BCL2: variants seen among roughly 807,000 people sequenced by gnomAD.
BCL2 encodes the protein apoptosis regulator Bcl-2.
BCL2 carries 1 observed loss-of-function variant against 14.2 expected under a neutral mutation model. The observed-to-expected ratio is 0.07, with a 90% CI of 0.02 to 0.33. BCL2 has a LOEUF of 0.33. Ranked by LOEUF, BCL2 falls within the 10% of genes least tolerant of loss-of-function variation. The pLI is 0.99. For synonymous variants in BCL2, 151 were observed against 137.2 expected (o/e 1.10, Z -0.70); for missense variants, 247 against 305.9 (o/e 0.81, Z 1.44).
intron 2 of BCL2, among the ~76,000 whole-genome samples, chr18:63,129,089 G>C (rs1449141620): frequency 6.6e-6 from 1 of 152,168 alleles, no homozygotes. Flanking sequence ...CATGGTGTAG[G>C]AGAGAGTGCT....
intron 2 of BCL2, among the ~76,000 whole-genome samples, chr18:63,216,228 T>TA (rs1910198871): frequency 6.6e-6 from 1 of 151,988 alleles, no homozygotes; most frequent in African/African-American, 2.4e-5. Flanking sequence ...AAATATTATG[T>TA]AAAAAATAAC....
intron 2 of BCL2, among the ~76,000 whole-genome samples, chr18:63,154,351 C>A (rs1344560924): frequency 1.3e-5 from 2 of 152,332 alleles, no homozygotes; most frequent in Non-Finnish European, 2.9e-5. Context: ...CCTCATCTTG[C>A]CCCATTCAGC....
chr18:63,133,548 A>C (rs965670377), intron 2 of BCL2, among the ~76,000 whole-genome samples: 5 of 152,064 alleles, frequency 3.3e-5, no homozygotes, highest in African/African-American at 1.2e-4. Flanking sequence ...TTGGCCTCCC[A>C]AAGTGCTGGG....
At chr18:63,236,194 T>C (rs1016700180) in intron 2 of BCL2, among the ~76,000 whole-genome samples, 1 of 152,208 alleles carries the variant, frequency 6.6e-6, no homozygotes, top group African/African-American at 2.4e-5. Context: ...CTTCCACAGA[T>C]TGTGAGGCCT....
chr18:63,144,649 G>A (rs1277093498), intron 2 of BCL2, among the ~76,000 whole-genome samples: 3 of 152,208 alleles, frequency 2.0e-5, no homozygotes, highest in Admixed American at 6.5e-5. Context: ...CGGACAGAAA[G>A]TGAGACAGGA....
At chr18:63,183,691 C>T (rs567435175) in intron 2 of BCL2, among the ~76,000 whole-genome samples, 2 of 152,308 alleles carry the variant, frequency 1.3e-5, no homozygotes, top group Admixed American at 6.5e-5. Flanking sequence ...AGAAAGGAAA[C>T]ACGCCATCGC....
chr18:63,198,086 G>A (rs991265671), intron 2 of BCL2, among the ~76,000 whole-genome samples: 3 of 152,158 alleles, frequency 2.0e-5, no homozygotes, highest in African/African-American at 4.8e-5. Context: ...GGTTGAGGAA[G>A]GAGAGAACTA....
intron 2 of BCL2, among the ~76,000 whole-genome samples, chr18:63,241,650 G>T (rs1016215752): frequency 2.0e-5 from 3 of 152,186 alleles, no homozygotes; most frequent in African/African-American, 7.2e-5. Flanking sequence ...TATTAATGCA[G>T]AAGATACTCC....
intron 2 of BCL2, among the ~76,000 whole-genome samples, chr18:63,257,644 C>A (rs566968098): frequency 6.6e-6 from 1 of 152,338 alleles, no homozygotes; most frequent in Admixed American, 6.5e-5. Context: ...CGGATGGCAT[C>A]AAGCTTGGCC....
At chr18:63,194,338 C>T (rs1421993357) in intron 2 of BCL2, among the ~76,000 whole-genome samples, 1 of 144,040 alleles carries the variant, frequency 6.9e-6, no homozygotes. Context: ...AAACTTTTTT[C>T]TTTTTTTTTT....
chr18:63,212,718 T>C (rs765736654), intron 2 of BCL2, among the ~76,000 whole-genome samples: 6 of 151,844 alleles, frequency 4.0e-5, no homozygotes, highest in Non-Finnish European at 8.8e-5. Context: ...CTACTAAAAA[T>C]ATAAAAAATT....
rs1349532557 is a variant in BCL2, at chr18:63,262,948, GA to G, written c.585+55133del. 6.6e-5 allele frequency among the ~76,000 whole-genome samples: 10 copies of G among 152,312 alleles called. No individual in the cohort carries two copies. The South Asian group carries it at 1.2e-3, about 19-fold the overall frequency. ...AAGTGATCCAATATCCACAAAGCCA[GA>G]ATTCTCCTACTGCACATTTTGTTTC... On this transcript the variant is annotated intron_variant, in intron 2 of 2. Transcript: ENST00000333681.
At chr18:63,266,637 T>TCTCTCTCTCTCTCTCTCTCTCACACA (rs1491465885) in intron 2 of BCL2, among the ~76,000 whole-genome samples, 6 of 85,938 alleles carry the variant, frequency 7.0e-5, no homozygotes, top group African/African-American at 2.2e-4. Flanking sequence ...TCTCTCTCTC[T>TCTCTCTCTCTCTCTCTCTCTCACACA]CACACACACA....
At chr18:63,230,716 T>C (rs1318281486) in intron 2 of BCL2, among the ~76,000 whole-genome samples, 3 of 151,980 alleles carry the variant, frequency 2.0e-5, no homozygotes, top group Non-Finnish European at 2.9e-5. Context: ...TAAAAACAGA[T>C]AAAATGGAAA....
chr18:63,203,133 C>T (rs1909745806), intron 2 of BCL2, among the ~76,000 whole-genome samples: 1 of 152,204 alleles, frequency 6.6e-6, no homozygotes, highest in Non-Finnish European at 1.5e-5. Flanking sequence ...CCCACTTTGC[C>T]AGGACCAAGC....
chr18:63,300,045 G>A (rs556781091), intron 2 of BCL2, among the ~76,000 whole-genome samples: 1 of 152,314 alleles, frequency 6.6e-6, no homozygotes, highest in East Asian at 1.9e-4. Flanking sequence ...TTATTGTACA[G>A]TGGTTTCAAA....
At chr18:63,294,688 A>T (rs1240324628) in intron 2 of BCL2, among the ~76,000 whole-genome samples, 3 of 151,948 alleles carry the variant, frequency 2.0e-5, no homozygotes, top group Non-Finnish European at 2.9e-5. Context: ...AGAAAAAAAA[A>T]AGTAGTTAAA....
At chr18:63,245,601 TAC>T (rs1035374656) in intron 2 of BCL2, among the ~76,000 whole-genome samples, 1 of 152,144 alleles carries the variant, frequency 6.6e-6, no homozygotes, top group African/African-American at 2.4e-5. Flanking sequence ...TGGGGTGAGA[TAC>T]ACACACACAT....
At chr18:63,306,334 C>T (rs1380240744) in intron 2 of BCL2, among the ~76,000 whole-genome samples, 2 of 152,212 alleles carry the variant, frequency 1.3e-5, no homozygotes, top group East Asian at 3.8e-4. Context: ...ATCTCTTGCC[C>T]GTTTGCTGAA....
Sources: gnomAD v4.1 joint callset for allele counts (sites outside exome capture counted in the v4.1 genomes callset) on GRCh38, gnomAD v4.1.1 for gene constraint, MANE v1.5 for transcripts, NCBI Gene and HGNC (gene_info 2026-07-23, HGNC 2026-07-21) for gene names.